MGAM: variants seen among roughly 807,000 people sequenced by gnomAD.
MGAM encodes maltase-glucoamylase, also known as alpha-1,4-glucosidase.
MGAM carries 253 observed loss-of-function variants against 358.8 expected under a neutral mutation model. The ratio of observed to expected loss-of-function variants is 0.71; its 90% CI spans 0.64 to 0.78. The LOEUF (loss-of-function observed/expected upper bound fraction) is 0.78, where lower values mean the gene tolerates loss of function less well. Among genes scored for constraint, MGAM ranks in the 30% least tolerant of loss-of-function variants. The pLI is 0.00. For missense variants in MGAM, 3,080 were observed against 3,432.6 expected, an observed-to-expected ratio of 0.90 and a Z score of 2.57; for synonymous variants, 1,105 against 1,227.1, an observed-to-expected ratio of 0.90 and a Z score of 2.08.
intron 37 of MGAM, 137 bp from the exon 38 acceptor site, chr7:142,065,198 A>G (rs927763555): frequency 6.5e-6 from 8 of 1,230,548 alleles, no homozygotes; most frequent in South Asian, 3.0e-5. Context: ...TGGAACTCCT[A>G]TTACAGCTCA....
At chr7:142,082,702 C>T in intron 52 of MGAM, 131 bp downstream of exon 52, 1 of 766,502 alleles carries the variant, frequency 1.3e-6, no homozygotes. Flanking sequence ...TTTATTTTTT[C>T]TTTGTGTTTA....
intron 18 of MGAM, among the ~76,000 whole-genome samples, chr7:142,038,216 C>T (rs1008898332): frequency 3.9e-5 from 6 of 152,044 alleles, no homozygotes; most frequent in Non-Finnish European, 8.8e-5. Context: ...CGTGTTGATG[C>T]GAATGTCCGG....
chr7:142,088,417 A>G lies in MGAM; in HGVS notation c.6810+1700A>G, dbSNP rs141450044. Among the ~76,000 whole-genome samples the G allele has an allele frequency of 4.4e-3, 578 of 132,524 alleles. 27 individuals are homozygous for G. The highest frequency in any genetic ancestry group is 0.016 in the African/African-American group (539 of 34,152). The allele number at this position is 132,524 out of a possible 152,430, so 86.9% of individuals were successfully genotyped here. ...TGAACAAGTATCTATCTATCTATCTATGTATATCCATGTACCCATCTATGT... is the reference window on the plus strand; with the variant it reads ...TGAACAAGTATCTATCTATCTATCTGTGTATATCCATGTACCCATCTATGT... On this transcript the variant is annotated intron_variant, in intron 57 of 70. Coordinates refer to ENST00000475668, the MANE Select transcript of MGAM (RefSeq NM_001365693.1).
rs185657179 is a variant in MGAM at position 142,044,758 on chromosome 7, A to G, written c.2499-3027A>G. Among the ~76,000 whole-genome samples, 656 of 91,524 alleles carry G rather than the reference A, an allele frequency of 7.2e-3. 32 individuals carry two copies. The highest frequency in any genetic ancestry group is 0.041 in the East Asian group (156 of 3,794). The allele number at this position is 91,524 out of a possible 152,430, so 60.0% of individuals were successfully genotyped here. The stretch of plus-strand genomic sequence containing the variant: ...ATTATATACACGTGTAATATATGAT[A>G]TATAATGTATATTATATACACGTGT... On this transcript the variant is annotated intron_variant, in intron 21 of 70. Transcript: ENST00000475668.
At chr7:142,027,783 A>C in intron 10 of MGAM, 48 bp downstream of exon 10, 1 of 1,449,956 alleles carries the variant, frequency 6.9e-7, no homozygotes, top group Non-Finnish European at 9.1e-7. Context: ...AATTCCCTTG[A>C]AGAAAAAGAA....
chr7:142,035,329 C>T (rs1807885544), intron 16 of MGAM, among the ~76,000 whole-genome samples: 1 of 152,084 alleles, frequency 6.6e-6, no homozygotes, highest in Non-Finnish European at 1.5e-5. Flanking sequence ...AAAGATGTAC[C>T]TTCTCTTTGC....
chr7:142,099,026 G>A (rs1816205330), intron 66 of MGAM, among the ~76,000 whole-genome samples: 2 of 152,174 alleles, frequency 1.3e-5, no homozygotes, highest in Admixed American at 6.5e-5. Flanking sequence ...TTGGAACACA[G>A]CCATGCATAT....
intron 10 of MGAM, among the ~76,000 whole-genome samples, chr7:142,028,440 A>AT (rs1268301590): frequency 2.0e-5 from 3 of 151,992 alleles, no homozygotes; most frequent in African/African-American, 4.8e-5. Flanking sequence ...GGTTAGCATC[A>AT]TTTTTTTTCA....
At chr7:142,095,807 C>T in intron 64 of MGAM, 94 bp downstream of exon 64, 1 of 1,544,336 alleles carries the variant, frequency 6.5e-7, no homozygotes, top group Non-Finnish European at 8.8e-7. Context: ...GACATGATTG[C>T]CTTTTGACAT....
chr7:142,067,945 T>TATATATATAA (rs1812921845), intron 42 of MGAM, among the ~76,000 whole-genome samples: 1 of 37,276 alleles, frequency 2.7e-5, no homozygotes, highest in African/African-American at 7.4e-5. Context: ...AATATATATA[T>TATATATATAA]ATATATATAT....
intron 44 of MGAM, among the ~76,000 whole-genome samples, chr7:142,071,729 A>G (rs1314613150): frequency 6.9e-6 from 1 of 145,558 alleles, no homozygotes; most frequent in South Asian, 2.2e-4. Flanking sequence ...TAGAATCTCA[A>G]CTTCCTCTTT....
In MGAM at chr7:142,087,421, C is replaced by T. The variant is rs563650599; in HGVS notation, c.6810+704C>T. Among the ~76,000 whole-genome samples the T allele has an allele frequency of 3.0e-4, 44 of 146,234 alleles. 2 individuals are homozygous for T. The highest frequency in any genetic ancestry group is 9.5e-4 in the African/African-American group (39 of 41,186). On this transcript the variant is annotated intron_variant, in intron 57 of 70. Coordinates refer to ENST00000475668, the MANE Select transcript of MGAM (RefSeq NM_001365693.1). Reference sequence around the variant, plus strand: ...GCTCCTTACAGGTCTAGGAAGGCTACGGCCCCATCCTCTGGCCAAGATGTG... The same window carrying T: ...GCTCCTTACAGGTCTAGGAAGGCTATGGCCCCATCCTCTGGCCAAGATGTG...
At chr7:142,080,627 T>A (rs538019090) in intron 49 of MGAM, among the ~76,000 whole-genome samples, 164 bp from the exon 50 acceptor site, 2 of 146,316 alleles carry the variant, frequency 1.4e-5, no homozygotes, top group East Asian at 4.0e-4. Flanking sequence ...ACATATTAAA[T>A]CTGACATTGT....
At chr7:142,050,963 C>T in intron 24 of MGAM, 99 bp downstream of exon 24, 3 of 1,521,364 alleles carry the variant, frequency 2.0e-6, no homozygotes, top group South Asian at 1.2e-5. Context: ...AGGACCAGGG[C>T]ACCTTTGAGG....
intron 66 of MGAM, among the ~76,000 whole-genome samples, chr7:142,097,990 G>T (rs1816095920): frequency 6.6e-6 from 1 of 152,132 alleles, no homozygotes; most frequent in African/African-American, 2.4e-5. Context: ...TATAGTTTTT[G>T]TTTTTAATGT....
Position 142,045,860 on chromosome 7 carries a change from TTATATATACATAC to T in MGAM, c.2499-1924_2499-1912del, listed in dbSNP as rs1810279383. Among the ~76,000 whole-genome samples, 6 of 121,052 alleles carry T rather than the reference TTATATATACATAC, an allele frequency of 5.0e-5. 2 individuals are homozygous for T. Among genetic ancestry groups the T allele is most frequent in the African/African-American group, 1.7e-4 (5 of 29,890 alleles). The allele number at this position is 121,052 out of a possible 152,430, so 79.4% of individuals were successfully genotyped here. ...ATACATACAATATGTAATATATATA[TTATATATACATAC>T]AATATGTAATATATATATTATGTAT... On this transcript the variant is annotated intron_variant, in intron 21 of 70. Coordinates refer to ENST00000475668, the MANE Select transcript of MGAM (RefSeq NM_001365693.1).
At chr7:142,009,370 A>G (rs1398018167) in intron 3 of MGAM, among the ~76,000 whole-genome samples, 1 of 152,166 alleles carries the variant, frequency 6.6e-6, no homozygotes, top group Non-Finnish European at 1.5e-5. Flanking sequence ...CAGAAAGTTG[A>G]TGCACATGCA....
intron 19 of MGAM, among the ~76,000 whole-genome samples, chr7:142,039,240 G>A (rs1052579786): frequency 5.3e-5 from 8 of 151,676 alleles, no homozygotes; most frequent in African/African-American, 1.9e-4. Flanking sequence ...TGAGTAGCTG[G>A]GGTTACAGGC....
chr7:142,079,423 C>T (rs2129051729), intron 49 of MGAM, among the ~76,000 whole-genome samples: 1 of 145,602 alleles, frequency 6.9e-6, no homozygotes, highest in Middle Eastern at 3.5e-3. Context: ...AGAATGATGA[C>T]CGCGTTGGTA....
Sources: gnomAD v4.1 joint callset for allele counts (sites outside exome capture counted in the v4.1 genomes callset) on GRCh38, gnomAD v4.1.1 for gene constraint, MANE v1.5 for transcripts, NCBI Gene and HGNC (gene_info 2026-07-23, HGNC 2026-07-21) for gene names.